The following ARHGAP28 variants were observed in gnomAD, a reference collection of about 807,000 sequenced individuals.
The protein encoded by ARHGAP28 is rho GTPase-activating protein 28.
ARHGAP28 carries 56 observed loss-of-function variants against 90.7 expected under a neutral mutation model. That is an observed-to-expected ratio of 0.62 (90% CI 0.50 to 0.77). The LOEUF (loss-of-function observed/expected upper bound fraction) is 0.77, where lower values mean the gene tolerates loss of function less well. Ranked by LOEUF, ARHGAP28 falls within the 30% of genes least tolerant of loss-of-function variation. ARHGAP28 has a pLI of 0.00. For missense variants in ARHGAP28, 869 were observed against 900.9 expected, an observed-to-expected ratio of 0.96 and a Z score of 0.45; for synonymous variants, 308 against 323.3, an observed-to-expected ratio of 0.95 and a Z score of 0.51.
intron 1 of ARHGAP28, among the ~76,000 whole-genome samples, chr18:6,816,276 TC>T (rs1223027237): frequency 6.6e-6 from 1 of 152,188 alleles, no homozygotes; most frequent in Non-Finnish European, 1.5e-5. Flanking sequence ...TTGCAGGACA[TC>T]CAAGTTGAGT....
At chr18:6,843,957 TACATC>T (rs1449410939) in intron 3 of ARHGAP28, among the ~76,000 whole-genome samples, 1 of 152,216 alleles carries the variant, frequency 6.6e-6, no homozygotes, top group Non-Finnish European at 1.5e-5. Context: ...AGTCTCCGGA[TACATC>T]ACGCATGGTT....
intron 1 of ARHGAP28, among the ~76,000 whole-genome samples, chr18:6,814,331 T>C (rs1187500666): frequency 6.6e-6 from 1 of 152,100 alleles, no homozygotes; most frequent in Non-Finnish European, 1.5e-5. Flanking sequence ...AAAGCCCACA[T>C]GGGACACCAA....
intron 16 of ARHGAP28, among the ~76,000 whole-genome samples, chr18:6,902,702 C>T (rs931843597): frequency 6.6e-6 from 1 of 152,094 alleles, no homozygotes; most frequent in Non-Finnish European, 1.5e-5. Flanking sequence ...ATCTTGTGCA[C>T]CACTGGTGGG....
intron 3 of ARHGAP28, among the ~76,000 whole-genome samples, chr18:6,841,194 T>TCTCCTCTCC (rs1555631513): frequency 1.6e-5 from 1 of 64,190 alleles, no homozygotes; most frequent in African/African-American, 8.3e-5. Flanking sequence ...TCTCTCTCTC[T>TCTCCTCTCC]CTCTCTCTCC....
intron 1 of ARHGAP28, among the ~76,000 whole-genome samples, chr18:6,758,268 G>A (rs1489133369): frequency 6.6e-6 from 1 of 152,010 alleles, no homozygotes; most frequent in Non-Finnish European, 1.5e-5. Context: ...AAGCCGTAAA[G>A]CATAACTAAG....
chr18:6,729,874 C>A lies in ARHGAP28; in HGVS notation c.53C>A (p.Ala18Glu). The change falls in exon 1 of 18, where the codon GCG becomes GAG. Residue 18 changes from alanine to glutamate, a missense_variant. Coordinates refer to ENST00000383472, the MANE Select transcript of ARHGAP28 (RefSeq NM_001366230.1). ...GTGCTGACCGCCTACCACTCGTACGCGCGCGCCCAGCCCCCCAACGCCGAG... is the reference window on the plus strand; with the variant it reads ...GTGCTGACCGCCTACCACTCGTACGAGCGCGCCCAGCCCCCCAACGCCGAG... ...GVVLTAYHSYARAQPPNAESR... is the reference protein window; with the variant it reads ...GVVLTAYHSYERAQPPNAESR... 2 of 1,435,300 alleles carry A rather than the reference C, an allele frequency of 1.4e-6. No individual in the cohort carries two copies. Among genetic ancestry groups the A allele is most frequent in the African/African-American group, 1.5e-5 (1 of 67,614 alleles). 88.9% of individuals were successfully genotyped at this position (1,435,300 alleles called of 1,614,324 possible).
intron 1 of ARHGAP28, among the ~76,000 whole-genome samples, chr18:6,772,952 G>C (rs542571737): frequency 1.3e-5 from 2 of 152,086 alleles, no homozygotes; most frequent in South Asian, 4.2e-4. Flanking sequence ...TGTTGGCCAG[G>C]CTGGTCTCGA....
At chr18:6,798,515 C>G (rs115420305) in intron 1 of ARHGAP28, among the ~76,000 whole-genome samples, 3,101 of 152,262 alleles carry the variant, frequency 0.02, 111 homozygotes, top group African/African-American at 0.07. Flanking sequence ...TAAACCTATA[C>G]AATGACTTTC....
chr18:6,781,718 G>C (rs577057928), intron 1 of ARHGAP28, among the ~76,000 whole-genome samples: 1 of 152,210 alleles, frequency 6.6e-6, no homozygotes, highest in East Asian at 1.9e-4. Context: ...TCTGGGGGTG[G>C]GACACCAAAC....
chr18:6,843,390 T>TC (rs1400496574), intron 3 of ARHGAP28, among the ~76,000 whole-genome samples: 7 of 152,200 alleles, frequency 4.6e-5, no homozygotes, highest in African/African-American at 1.7e-4. Context: ...GTGGGGTGCC[T>TC]CCCTGATCCT....
intron 1 of ARHGAP28, among the ~76,000 whole-genome samples, chr18:6,738,367 T>G (rs2055946461): frequency 6.6e-6 from 1 of 152,016 alleles, no homozygotes; most frequent in African/African-American, 2.4e-5. Context: ...ACTTTATACA[T>G]TTACTTACAT....
At chr18:6,830,541 A>C (rs534660237) in intron 2 of ARHGAP28, among the ~76,000 whole-genome samples, 1 of 151,592 alleles carries the variant, frequency 6.6e-6, no homozygotes, top group Non-Finnish European at 1.5e-5. Context: ...TCATTGTTCA[A>C]CTCCCACTTA....
At chr18:6,752,661 T>C (rs1229785741) in intron 1 of ARHGAP28, among the ~76,000 whole-genome samples, 1 of 152,176 alleles carries the variant, frequency 6.6e-6, no homozygotes, top group East Asian at 1.9e-4. Context: ...ATGCTGTGAA[T>C]TGGGCTCTGG....
intron 1 of ARHGAP28, among the ~76,000 whole-genome samples, chr18:6,753,555 A>G (rs1300234348): frequency 6.6e-6 from 1 of 152,254 alleles, no homozygotes; most frequent in African/African-American, 2.4e-5. Context: ...TTTGAAGAAC[A>G]TAATATATAT....
intron 10 of ARHGAP28, among the ~76,000 whole-genome samples, 182 bp downstream of exon 10, chr18:6,876,390 TAAAAATC>T (rs2057131252): frequency 6.6e-6 from 1 of 152,144 alleles, no homozygotes; most frequent in South Asian, 2.1e-4. Flanking sequence ...TCCAGAATTT[TAAAAATC>T]AAAACGGAAA....
intron 1 of ARHGAP28, among the ~76,000 whole-genome samples, chr18:6,767,113 T>G (rs942676131): frequency 3.3e-5 from 5 of 152,188 alleles, no homozygotes; most frequent in Non-Finnish European, 7.3e-5. Context: ...TTATCTCTAC[T>G]CTTTTAGCTC....
chr18:6,784,998 T>C (rs909589159), intron 1 of ARHGAP28, among the ~76,000 whole-genome samples: 1 of 152,116 alleles, frequency 6.6e-6, no homozygotes, highest in Non-Finnish European at 1.5e-5. Context: ...TCTGAGGAAA[T>C]TGAGGAGCTG....
At chr18:6,733,825 T>TACA (rs1162289129) in intron 1 of ARHGAP28, among the ~76,000 whole-genome samples, 1 of 152,196 alleles carries the variant, frequency 6.6e-6, no homozygotes, top group African/African-American at 2.4e-5. Context: ...GATTTGATAT[T>TACA]ACAACAACAA....
At chr18:6,870,521 T>A in intron 6 of ARHGAP28, 69 bp from the exon 7 acceptor site, 1 of 1,450,078 alleles carries the variant, frequency 6.9e-7, no homozygotes. Context: ...TTGAATTTGT[T>A]TTATAGCAAA....
Sources: gnomAD v4.1 joint callset for allele counts (sites outside exome capture counted in the v4.1 genomes callset) on GRCh38, gnomAD v4.1.1 for gene constraint, MANE v1.5 for transcripts, NCBI Gene and HGNC (gene_info 2026-07-23, HGNC 2026-07-21) for gene names.